The following CDC25A variants were observed in gnomAD, a reference collection of about 807,000 sequenced individuals.
CDC25A encodes cell division cycle 25A, also known as M-phase inducer phosphatase 1.
A neutral mutation model predicts 64.6 loss-of-function variants in CDC25A; 17 were observed. The ratio of observed to expected loss-of-function variants is 0.26; its 90% CI spans 0.18 to 0.39. The LOEUF is 0.39. CDC25A is among the 10% of genes least tolerant of loss of function. The pLI is 1.00. For missense variants in CDC25A, 473 were observed against 654.8 expected, an observed-to-expected ratio of 0.72 and a Z score of 3.03; for synonymous variants, 229 against 238.6, an observed-to-expected ratio of 0.96 and a Z score of 0.37.
At chr3:48,170,181 G>A (rs1476029345) in intron 9 of CDC25A, among the ~76,000 whole-genome samples, 2 of 151,320 alleles carry the variant, frequency 1.3e-5, no homozygotes, top group African/African-American at 4.9e-5. Flanking sequence ...CTACCAGCAA[G>A]CAAGCAAGCA....
intron 3 of CDC25A, among the ~76,000 whole-genome samples, chr3:48,184,406 T>C (rs963487987): frequency 6.6e-6 from 1 of 152,066 alleles, no homozygotes; most frequent in Non-Finnish European, 1.5e-5. Flanking sequence ...AAGGCTATGA[T>C]GTCAGAGCAC....
chr3:48,165,533 A>G, intron 12 of CDC25A, 103 bp downstream of exon 12: 1 of 745,028 alleles, frequency 1.3e-6, no homozygotes, highest in South Asian at 1.7e-5. Context: ...AAATTCTAAC[A>G]ACTAGCATAT....
chr3:48,171,374 T>A (rs1231586246), intron 9 of CDC25A, among the ~76,000 whole-genome samples: 2 of 148,776 alleles, frequency 1.3e-5, no homozygotes, highest in East Asian at 4.0e-4. Context: ...AAAAAGAAAA[T>A]GAATATTCTT....
At chr3:48,163,473 G>A (rs1222593203) in intron 13 of CDC25A, among the ~76,000 whole-genome samples, 6 of 151,478 alleles carry the variant, frequency 4.0e-5, no homozygotes, top group African/African-American at 4.9e-5. Context: ...GCGTGATGGC[G>A]CATGCCTGTA....
chr3:48,187,295 G>A (rs912890374), intron 1 of CDC25A, among the ~76,000 whole-genome samples: 2 of 152,220 alleles, frequency 1.3e-5, no homozygotes, highest in Non-Finnish European at 2.9e-5. Flanking sequence ...TGGACATCAG[G>A]AATGTGCACA....
intron 2 of CDC25A, 67 bp downstream of exon 2, chr3:48,186,636 C>T (rs935806014): frequency 4.5e-5 from 45 of 989,624 alleles, no homozygotes; most frequent in Non-Finnish European, 6.9e-5. Context: ...CAAAACTAAC[C>T]TCCTGGGTGA....
intron 9 of CDC25A, among the ~76,000 whole-genome samples, chr3:48,172,404 C>T (rs2032301376): frequency 6.6e-6 from 1 of 152,210 alleles, no homozygotes. Flanking sequence ...ACAGAAAACA[C>T]AGGTAGTTCA....
At chr3:48,174,811 C>A (rs1183320575) in intron 8 of CDC25A, 1 of 167,318 alleles carries the variant, frequency 6.0e-6, no homozygotes, top group Non-Finnish European at 1.3e-5. Flanking sequence ...TTACTTGCAC[C>A]TTGCTTAATT....
chr3:48,170,920 C>T (rs1344197876), intron 9 of CDC25A, among the ~76,000 whole-genome samples: 1 of 151,794 alleles, frequency 6.6e-6, no homozygotes, highest in African/African-American at 2.4e-5. Flanking sequence ...ATTTTCTCCA[C>T]AATGGAATTT....
intron 13 of CDC25A, among the ~76,000 whole-genome samples, chr3:48,162,161 G>C (rs1025276700): frequency 6.6e-6 from 1 of 152,188 alleles, no homozygotes; most frequent in Non-Finnish European, 1.5e-5. Context: ...ACAGTCAAAA[G>C]TGTCAAGTTG....
intron 9 of CDC25A, among the ~76,000 whole-genome samples, chr3:48,171,188 T>A (rs1027490504): frequency 6.6e-6 from 1 of 151,338 alleles, no homozygotes; most frequent in African/African-American, 2.4e-5. Flanking sequence ...CCTGGCCAAC[T>A]TGGTGAAACT....
intron 1 of CDC25A, among the ~76,000 whole-genome samples, chr3:48,187,171 G>A (rs1187131769): frequency 6.6e-6 from 1 of 152,210 alleles, no homozygotes; most frequent in Non-Finnish European, 1.5e-5. Context: ...AGATTGAAGG[G>A]AAAGTAGCTC....
At chr3:48,178,136 G>A in intron 6 of CDC25A, 148 bp from the exon 7 acceptor site, 1 of 687,856 alleles carries the variant, frequency 1.5e-6, no homozygotes, top group Non-Finnish European at 2.4e-6. Context: ...ATATGAAAAT[G>A]TATCCCAAGA....
At position 48,177,999 on chromosome 3, in the gene CDC25A, A is replaced by G. The variant is rs766123347; in HGVS notation, c.550-11T>C. The G allele has an allele frequency of 4.4e-6, 7 of 1,601,280 alleles. No individual in the cohort carries two copies. Among genetic ancestry groups the G allele is most frequent in the Non-Finnish European group, 6.0e-6 (7 of 1,173,564 alleles). On this transcript the variant is annotated splice_polypyrimidine_tract_variant and intron_variant, in intron 6 of 14. Transcript: ENST00000302506. ...TTCATTTGAGGAAAGCTGTAAGACAAAATTCATGGATTAATAATGAGAGCT... is the reference window on the plus strand; with the variant it reads ...TTCATTTGAGGAAAGCTGTAAGACAGAATTCATGGATTAATAATGAGAGCT...
At position 48,184,754 on chromosome 3, in the gene CDC25A, A is replaced by G. The variant is rs2032790062; in HGVS notation, c.248-59T>C. On this transcript the variant is annotated intron_variant, in intron 2 of 14. Coordinates refer to ENST00000302506, the MANE Select transcript of CDC25A (RefSeq NM_001789.3). ...TACAAAAAACACCATTTTGTCATTAAAATTAAAACACTAAACAAAGTACCT... is the reference window on the plus strand; with the variant it reads ...TACAAAAAACACCATTTTGTCATTAGAATTAAAACACTAAACAAAGTACCT... 2.4e-6 allele frequency: 3 copies of G among 1,251,710 alleles called. No individual in the cohort carries two copies. In the South Asian group the frequency reaches 4.0e-5, roughly 17 times the overall value. 77.5% of individuals were successfully genotyped at this position (1,251,710 alleles called of 1,614,324 possible).
chr3:48,171,537 C>T (rs1212409086), intron 9 of CDC25A, among the ~76,000 whole-genome samples: 1 of 151,570 alleles, frequency 6.6e-6, no homozygotes, highest in Non-Finnish European at 1.5e-5. Flanking sequence ...CATACCACCA[C>T]ACCCAGCTAT....
In CDC25A at chr3:48,180,797, C is replaced by A. The variant is rs770572616; in HGVS notation, c.473G>T (p.Gly158Val). ...CTGGAGTCCATGAGAGTGCAGGCAG[C>A]CACGAGATACAGGTCTTACTGGCTT... is the stretch of plus-strand genomic sequence containing the variant. ...FKKPVRPVSR[G>V]CLHSHGLQEG... The change falls in exon 6 of 15, where the codon GGC (glycine) becomes GTC (valine). Residue 158 changes from glycine (G) to valine (V), a missense_variant. Gly to Val is a moderately radical substitution (Grantham distance 109). Transcript: ENST00000302506. 1.2e-6 allele frequency: 2 copies of A among 1,614,002 alleles called. No homozygotes were observed. The highest frequency in any genetic ancestry group is 1.7e-6 in the Non-Finnish European group (2 of 1,179,882).
intron 8 of CDC25A, 79 bp downstream of exon 8, chr3:48,177,292 G>T: frequency 9.4e-7 from 1 of 1,068,900 alleles, no homozygotes; most frequent in Non-Finnish European, 1.4e-6. Context: ...TTCAATCTTT[G>T]GCTATACTCA....
At chr3:48,170,175 C>CAGCA (rs372246067) in intron 9 of CDC25A, among the ~76,000 whole-genome samples, 89 of 152,118 alleles carry the variant, frequency 5.9e-4, no homozygotes, top group Admixed American at 1.2e-3. Context: ...TTCTCCCTAC[C>CAGCA]AGCAAGCAAG....
Sources: gnomAD v4.1 joint callset for allele counts (sites outside exome capture counted in the v4.1 genomes callset) on GRCh38, gnomAD v4.1.1 for gene constraint, MANE v1.5 for transcripts, NCBI Gene and HGNC (gene_info 2026-07-23, HGNC 2026-07-21) for gene names.